Variants in ADGRL3 observed in about 807,000 individuals in gnomAD.
The protein encoded by ADGRL3 is adhesion G protein-coupled receptor L3.
In ADGRL3, 62 loss-of-function variants were observed where a neutral mutation model predicts 153.5. The observed-to-expected ratio is 0.40, with a 90% CI of 0.33 to 0.50. ADGRL3 has a LOEUF of 0.50. Ranked by LOEUF, ADGRL3 falls within the 20% of genes least tolerant of loss-of-function variation. The pLI is 0.47. For missense variants in ADGRL3, 1,641 were observed against 1,859.4 expected (o/e 0.88, Z 2.16); for synonymous variants, 710 against 672.5 (o/e 1.06, Z -0.86).
At chr4:61,266,282 A>G (rs1200794889) in intron 1 of ADGRL3, among the ~76,000 whole-genome samples, 2 of 151,812 alleles carry the variant, frequency 1.3e-5, no homozygotes, top group African/African-American at 4.8e-5. Flanking sequence ...CTTTAGACAG[A>G]GATGTTTTCT....
chr4:61,712,412 A>C (rs528185173), intron 6 of ADGRL3, among the ~76,000 whole-genome samples: 1 of 152,240 alleles, frequency 6.6e-6, no homozygotes. Flanking sequence ...AAAAAGAAAA[A>C]AAAAGGAAGT....
At chr4:62,006,968 T>G (rs894894146) in intron 21 of ADGRL3, among the ~76,000 whole-genome samples, 4 of 151,860 alleles carry the variant, frequency 2.6e-5, no homozygotes, top group Non-Finnish European at 1.5e-5. Flanking sequence ...TGTTCTAGAG[T>G]TGGTTCAAAA....
chr4:61,336,695 T>C (rs559196830), intron 1 of ADGRL3, among the ~76,000 whole-genome samples: 1 of 152,186 alleles, frequency 6.6e-6, no homozygotes, highest in South Asian at 2.1e-4. Context: ...GCCCTTTGTG[T>C]AATAATCTGC....
intron 9 of ADGRL3, among the ~76,000 whole-genome samples, chr4:61,829,095 C>T (rs1308161651): frequency 1.3e-5 from 2 of 152,166 alleles, no homozygotes; most frequent in African/African-American, 4.8e-5. Context: ...CCTATTTTGA[C>T]ATTTCTTCTG....
Position 61,550,055 on chromosome 4 carries a change from T to C in ADGRL3, c.259+32537T>C, listed in dbSNP as rs2098733162. Among the ~76,000 whole-genome samples, 5 of 152,166 alleles carry C rather than the reference T, an allele frequency of 3.3e-5. No individual in the cohort carries two copies. The South Asian group carries it at 1.0e-3, about 32-fold the overall frequency. ...TCAACTGTCAAAACTAATGGTGTTT[T>C]GATTTGAGAGTAATTTTTAGTGTAT... is the stretch of plus-strand genomic sequence containing the variant. On this transcript the variant is annotated intron_variant, in intron 4 of 26. Transcript: ENST00000683033.
At chr4:61,913,949 A>T (rs928150415) in intron 13 of ADGRL3, among the ~76,000 whole-genome samples, 9 of 152,144 alleles carry the variant, frequency 5.9e-5, no homozygotes, top group Admixed American at 5.9e-4. Flanking sequence ...CAGCTATCCC[A>T]TTTGTAAATT....
intron 8 of ADGRL3, among the ~76,000 whole-genome samples, chr4:61,799,841 T>C (rs565179984): frequency 2.6e-5 from 4 of 152,254 alleles, no homozygotes; most frequent in South Asian, 2.1e-4. Context: ...GGGTGCTTAT[T>C]ATGTGACAAG....
chr4:61,846,499 A>G (rs750555030), intron 9 of ADGRL3, among the ~76,000 whole-genome samples: 5 of 152,028 alleles, frequency 3.3e-5, no homozygotes, highest in Non-Finnish European at 7.4e-5. Context: ...AGGTAATCCT[A>G]CGGTGCATTC....
chr4:61,718,131 G>A (rs954838635), intron 6 of ADGRL3, among the ~76,000 whole-genome samples: 2 of 152,080 alleles, frequency 1.3e-5, no homozygotes, highest in African/African-American at 4.8e-5. Context: ...TTGGGTTTTG[G>A]TGGGGTTTTT....
At chr4:61,548,125 G>A (rs1283708847) in intron 4 of ADGRL3, among the ~76,000 whole-genome samples, 1 of 152,040 alleles carries the variant, frequency 6.6e-6, no homozygotes, top group Non-Finnish European at 1.5e-5. Flanking sequence ...GTTTAATGGG[G>A]TTGTTTGCTT....
chr4:61,423,502 A>G (rs2097235921), intron 2 of ADGRL3, among the ~76,000 whole-genome samples: 1 of 152,224 alleles, frequency 6.6e-6, no homozygotes, highest in Non-Finnish European at 1.5e-5. Context: ...ATGCTACATC[A>G]ACATGATGTC....
intron 1 of ADGRL3, among the ~76,000 whole-genome samples, chr4:61,369,855 G>T (rs957052937): frequency 1.3e-5 from 2 of 151,960 alleles, no homozygotes. Context: ...AATCCATCTG[G>T]TCCTGGACTC....
chr4:61,425,516 T>C (rs568676293), intron 2 of ADGRL3: 1 of 152,372 alleles, frequency 6.6e-6, no homozygotes, highest in East Asian at 1.9e-4. Context: ...CAATCTATGG[T>C]CGAAACGACA....
chr4:61,990,732 A>G (rs778359472), intron 19 of ADGRL3, among the ~76,000 whole-genome samples: 2 of 151,948 alleles, frequency 1.3e-5, no homozygotes, highest in Non-Finnish European at 1.5e-5. Context: ...ATAATTATCA[A>G]CCAATCGACA....
At chr4:61,379,555 G>T (rs1356385713) in intron 1 of ADGRL3, among the ~76,000 whole-genome samples, 2 of 151,878 alleles carry the variant, frequency 1.3e-5, no homozygotes, top group Admixed American at 6.6e-5. Context: ...GTCATCTTAG[G>T]CTGAAAGCCA....
chr4:61,438,297 A>G (rs1490570971), intron 2 of ADGRL3, among the ~76,000 whole-genome samples: 4 of 151,664 alleles, frequency 2.6e-5, no homozygotes, highest in African/African-American at 7.3e-5. Flanking sequence ...GAATCACTCT[A>G]TCACTTTCAC....
intron 5 of ADGRL3, among the ~76,000 whole-genome samples, chr4:61,619,051 G>A (rs2092298735): frequency 6.6e-6 from 1 of 152,070 alleles, no homozygotes; most frequent in Non-Finnish European, 1.5e-5. Flanking sequence ...TTTTTTAAAT[G>A]AGCCTTTAGG....
At position 61,201,024 on chromosome 4, in the gene ADGRL3, G is replaced by A. The variant is rs1436019143; in HGVS notation, c.-981G>A. Among the ~76,000 whole-genome samples the A allele has an allele frequency of 6.6e-6, 1 of 152,166 alleles. No individual in the cohort carries two copies. Among genetic ancestry groups the A allele is most frequent in the Non-Finnish European group, 1.5e-5 (1 of 68,008 alleles). ...TCCGCGGAGGTTGCGGGCTTGAGAGGGGACCCTCGGCTGGGAGAGAGCCTC... is the reference window on the plus strand; with the variant it reads ...TCCGCGGAGGTTGCGGGCTTGAGAGAGGACCCTCGGCTGGGAGAGAGCCTC... On this transcript the variant is annotated 5_prime_UTR_variant, in exon 1 of 27. Coordinates refer to ENST00000683033, the MANE Select transcript of ADGRL3 (RefSeq NM_001387552.1).
intron 8 of ADGRL3, among the ~76,000 whole-genome samples, chr4:61,782,544 GA>G (rs2097225921): frequency 6.6e-6 from 1 of 152,138 alleles, no homozygotes; most frequent in South Asian, 2.1e-4. Flanking sequence ...CAAATTATGA[GA>G]AAAAATATTT....
Sources: allele counts gnomAD v4.1 joint callset (sites outside exome capture counted in the v4.1 genomes callset), GRCh38; gene constraint gnomAD v4.1.1; transcripts MANE v1.5; gene names NCBI Gene and HGNC (gene_info 2026-07-23, HGNC 2026-07-21).